SLC2A7: variants seen among roughly 807,000 people sequenced by gnomAD.
SLC2A7 encodes the protein solute carrier family 2, facilitated glucose transporter member 7.
A neutral mutation model predicts 50.5 loss-of-function variants in SLC2A7; 50 were observed. That is an observed-to-expected ratio of 0.99 (90% CI 0.79 to 1.25). The LOEUF (loss-of-function observed/expected upper bound fraction) is 1.25, where lower values mean the gene tolerates loss of function less well. Among genes scored for constraint, SLC2A7 ranks in the 50% most tolerant of loss-of-function variants. SLC2A7 has a pLI of 0.00. For missense variants in SLC2A7, 683 were observed against 679.1 expected, an observed-to-expected ratio of 1.01 and a Z score of -0.06; for synonymous variants, 308 against 300.4, an observed-to-expected ratio of 1.03 and a Z score of -0.26.
At position 9,008,114 on chromosome 1, in the gene SLC2A7, C is replaced by T. The variant is rs1361341805; in HGVS notation, c.1117-729G>A. ...GGCAGACCACCATCTCTGCTCCCAACTGCCGAGAGAACAGCCAATGCAAAA... is the reference window on the plus strand; with the variant it reads ...GGCAGACCACCATCTCTGCTCCCAATTGCCGAGAGAACAGCCAATGCAAAA... On this transcript the variant is annotated intron_variant, in intron 9 of 11. Transcript: ENST00000400906. This position sits in a 1 kb window ranked among gnomAD's most constrained non-coding sequence, Gnocchi z 5.9. Among the ~76,000 whole-genome samples, 2 of 152,232 alleles carry T rather than the reference C, an allele frequency of 1.3e-5. No homozygotes were observed. Among genetic ancestry groups the T allele is most frequent in the Admixed American group, 1.3e-4 (2 of 15,286 alleles).
intron 1 of SLC2A7, 22 bp downstream of exon 1, chr1:9,026,273 G>T: frequency 6.2e-7 from 1 of 1,606,978 alleles, no homozygotes; most frequent in South Asian, 1.1e-5. Flanking sequence ...GACAGTGACA[G>T]GTTCCTAGTC....
downstream of SLC2A7, among the ~76,000 whole-genome samples, chr1:9,001,418 T>A (rs542859268): frequency 7.2e-6 from 1 of 138,676 alleles, no homozygotes; most frequent in South Asian, 2.3e-4. Context: ...ATGCAGGTGC[T>A]ATTTTTTTTT....
the SLC2A7 span, among the ~76,000 whole-genome samples, chr1:8,994,996 C>T: frequency 1.3e-5 from 2 of 151,526 alleles, no homozygotes; most frequent in South Asian, 4.2e-4. Context: ...GTCTCGAACT[C>T]CTGACCTCAG....
chr1:9,001,982 G>GTGT (rs1385607031), downstream of SLC2A7, among the ~76,000 whole-genome samples: 1 of 152,234 alleles, frequency 6.6e-6, no homozygotes, highest in Non-Finnish European at 1.5e-5. Flanking sequence ...AACATGTGCT[G>GTGT]TGTTGACTCA....
chr1:8,995,632 C>G, the SLC2A7 span, among the ~76,000 whole-genome samples: 1 of 152,034 alleles, frequency 6.6e-6, no homozygotes, highest in Non-Finnish European at 1.5e-5. Context: ...GTAATCCCAG[C>G]TACTCGGGAG....
At chr1:9,024,947 G>GCCCACCTTGT in intron 2 of SLC2A7, 29 bp downstream of exon 2, 3 of 1,598,760 alleles carry the variant, frequency 1.9e-6, no homozygotes, top group East Asian at 4.5e-5. Context: ...GCTGCTGCCC[G>GCCCACCTTGT]GCCCACCTTG....
intron 3 of SLC2A7, among the ~76,000 whole-genome samples, chr1:9,020,694 T>G (rs1640900863): frequency 6.8e-6 from 1 of 147,226 alleles, no homozygotes; most frequent in South Asian, 2.1e-4. Flanking sequence ...TTTTTTGAGA[T>G]GGAGTCTTGC....
chr1:9,019,176 C>G lies in SLC2A7; in HGVS notation c.436+33G>C, dbSNP rs201859152. 3,108 of 1,608,198 alleles carry G rather than the reference C, an allele frequency of 1.9e-3. 25 individuals are homozygous for G. Among genetic ancestry groups the G allele is most frequent in the Middle Eastern group, 0.014 (83 of 6,046 alleles). On this transcript the variant is annotated intron_variant, in intron 4 of 11. Transcript: ENST00000400906. The stretch of plus-strand genomic sequence containing the variant: ...AGCCTTGGCCAAACAGACCCTTCCC[C>G]CAAGGCTGAGCCGGAGCCTGGGCCC...
At chr1:9,022,554 CT>C (rs1281638469) in intron 3 of SLC2A7, among the ~76,000 whole-genome samples, 1 of 152,136 alleles carries the variant, frequency 6.6e-6, no homozygotes, top group African/African-American at 2.4e-5. Context: ...GCGCTTAGAA[CT>C]TGGAGCCATG....
Position 9,008,007 on chromosome 1 carries a change from C to T in SLC2A7, c.1117-622G>A, listed in dbSNP as rs909080105. On this transcript the variant is annotated intron_variant, in intron 9 of 11. Coordinates refer to ENST00000400906, the MANE Select transcript of SLC2A7 (RefSeq NM_207420.3). This position sits in a 1 kb window ranked among gnomAD's most constrained non-coding sequence, Gnocchi z 5.9. ...AGGGATCAAGCAGTGGCTGAAGTCACCCAGTCAACATGAGTGAGCTGAGGT... is the reference window on the plus strand; with the variant it reads ...AGGGATCAAGCAGTGGCTGAAGTCATCCAGTCAACATGAGTGAGCTGAGGT... Among the ~76,000 whole-genome samples the T allele has an allele frequency of 3.3e-5, 5 of 152,232 alleles. No homozygotes were observed. The East Asian group carries it at 5.8e-4, about 18-fold the overall frequency.
At chr1:8,994,273 C>T in the SLC2A7 span, among the ~76,000 whole-genome samples, 1 of 152,200 alleles carries the variant, frequency 6.6e-6, no homozygotes, top group African/African-American at 2.4e-5. Context: ...TGCATCTTTC[C>T]TTATCTGTGG....
chr1:9,009,587 G>T (rs1344489750), intron 9 of SLC2A7, among the ~76,000 whole-genome samples: 3 of 152,180 alleles, frequency 2.0e-5, no homozygotes, highest in Admixed American at 2.0e-4. Flanking sequence ...TTCCTGAGTA[G>T]CTGGGACTAC....
At chr1:9,001,888 C>T (rs1231841241), downstream of SLC2A7, among the ~76,000 whole-genome samples, 1 of 152,120 alleles carries the variant, frequency 6.6e-6, no homozygotes, top group Non-Finnish European at 1.5e-5. Context: ...AGAAGAAACT[C>T]CATTTTGTTC....
chr1:9,016,964 C>G (rs539854915), intron 5 of SLC2A7, among the ~76,000 whole-genome samples: 1 of 152,112 alleles, frequency 6.6e-6, no homozygotes, highest in Non-Finnish European at 1.5e-5. Context: ...TCCCACTCCC[C>G]CCGAGGCTAA....
At chr1:9,016,468 G>C (rs1640832755) in intron 5 of SLC2A7, among the ~76,000 whole-genome samples, 1 of 152,156 alleles carries the variant, frequency 6.6e-6, no homozygotes, top group Admixed American at 6.5e-5. Flanking sequence ...AAAGAGCTGG[G>C]CATGGTGGTG....
chr1:8,993,116 G>A, the SLC2A7 span, among the ~76,000 whole-genome samples: 870 of 152,312 alleles, frequency 5.7e-3, 11 homozygotes, highest in African/African-American at 0.02. Context: ...CAATCATGGC[G>A]GAAGGCAAGG....
intron 8 of SLC2A7, among the ~76,000 whole-genome samples, chr1:9,012,962 C>T (rs1250146980): frequency 6.6e-6 from 1 of 152,184 alleles, no homozygotes; most frequent in Non-Finnish European, 1.5e-5. Context: ...CATCTCCCTG[C>T]TCACTGCAAT....
chr1:9,015,364 A>G lies in SLC2A7; in HGVS notation c.590-122T>C. On this transcript the variant is annotated intron_variant, in intron 5 of 11. Transcript: ENST00000400906. ...GGACTGTGGGGACTTCATTCTCACC[A>G]GGGTACTCCTACAAATGGTTTCCAC... 4.7e-6 allele frequency: 6 copies of G among 1,265,366 alleles called. No homozygotes were observed. In the South Asian group the frequency reaches 8.0e-5, roughly 17 times the overall value. The allele number at this position is 1,265,366 out of a possible 1,614,324, so 78.4% of individuals were successfully genotyped here. A position where few individuals can be genotyped will look rare whatever the true frequency, so the allele number is the denominator to read the frequency against.
intron 4 of SLC2A7, among the ~76,000 whole-genome samples, 182 bp from the exon 5 acceptor site, chr1:9,018,557 G>T (rs145527382): frequency 6.6e-6 from 1 of 152,328 alleles, no homozygotes; most frequent in African/African-American, 2.4e-5. Context: ...AGAATCCTCA[G>T]CCCCCACGGG....
Sources: allele counts gnomAD v4.1 joint callset (sites outside exome capture counted in the v4.1 genomes callset), GRCh38; gene constraint gnomAD v4.1.1; non-coding constraint Gnocchi (gnomAD v3.1); transcripts MANE v1.5; gene names NCBI Gene and HGNC (gene_info 2026-07-23, HGNC 2026-07-21).